EFHB: variants seen among roughly 807,000 people sequenced by gnomAD.
The protein encoded by EFHB is EF-hand domain-containing family member B.
In EFHB, 91 loss-of-function variants were observed where a neutral mutation model predicts 87.2. That is an observed-to-expected ratio of 1.04 (90% CI 0.88 to 1.24). EFHB has a LOEUF of 1.24. Ranked by LOEUF, EFHB falls within the 50% of genes most tolerant of loss-of-function variation. The probability of loss-of-function intolerance (pLI) is 0.00; values close to 1 mark genes in which losing one functional copy is unlikely to be tolerated. For missense variants in EFHB, 1,084 were observed against 998.8 expected (o/e 1.09, Z -1.15); for synonymous variants, 325 against 333.6 (o/e 0.97, Z 0.28).
At position 19,882,052 on chromosome 3, in the gene EFHB, TA is replaced by T. The variant is rs1559441331; in HGVS notation, c.2328+497del. ...ATAAATAAATAAATAAATAAATAAA[TA>T]AATAAATAATTAAATAAGACAGATG... On this transcript the variant is annotated intron_variant, in intron 12 of 12. Transcript: ENST00000295824. Among the ~76,000 whole-genome samples the T allele has an allele frequency of 2.5e-4, 34 of 134,234 alleles. No individual in the cohort carries two copies. The East Asian group carries it at 5.7e-3, about 22-fold the overall frequency. The allele number at this position is 134,234 out of a possible 152,430, so 88.1% of individuals were successfully genotyped here. A position where few individuals can be genotyped will look rare whatever the true frequency, so the allele number is the denominator to read the frequency against.
intron 1 of EFHB, among the ~76,000 whole-genome samples, chr3:19,945,479 G>A (rs1005737410): frequency 6.6e-6 from 1 of 152,184 alleles, no homozygotes; most frequent in Non-Finnish European, 1.5e-5. Context: ...TGATAGAATG[G>A]ACAATGGTTT....
At chr3:19,914,390 T>C (rs1287019024) in intron 5 of EFHB, among the ~76,000 whole-genome samples, 1 of 152,226 alleles carries the variant, frequency 6.6e-6, no homozygotes, top group African/African-American at 2.4e-5. Flanking sequence ...CTCAATCCTT[T>C]ATTATGTCAA....
At position 19,899,317 on chromosome 3, in the gene EFHB, A is replaced by G. The variant is rs886644284; in HGVS notation, c.1502+115T>C. 5 of 693,556 alleles carry G rather than the reference A, an allele frequency of 7.2e-6. No individual in the cohort carries two copies. The African/African-American group carries it at 9.3e-5, about 13-fold the overall frequency. 43.0% of individuals were successfully genotyped at this position (693,556 alleles called of 1,614,324 possible). A position where few individuals can be genotyped will look rare whatever the true frequency, so the allele number is the denominator to read the frequency against. On this transcript the variant is annotated intron_variant, in intron 7 of 12. Coordinates refer to ENST00000295824, the MANE Select transcript of EFHB (RefSeq NM_144715.4). ...CAGATTAACTGATTAACAATAAAATAATGATTTTCTTATTTAATAGATAGA... is the reference window on the plus strand; with the variant it reads ...CAGATTAACTGATTAACAATAAAATGATGATTTTCTTATTTAATAGATAGA...
At position 19,879,673 on chromosome 3, in the gene EFHB, C is replaced by G; in HGVS notation, c.2460G>C (p.Glu820Asp). Residue 820 changes from glutamate to aspartate, a missense_variant, in exon 13 of 13, where the codon GAG becomes GAC. By Grantham distance (45) the Glu-to-Asp change is conservative (BLOSUM62 2). Coordinates refer to ENST00000295824, the MANE Select transcript of EFHB (RefSeq NM_144715.4). ...ACTTGATCCGGTCTGCATGCCGTAGCTCATCTAGAACATTTCTGATGTTCT... is the reference window on the plus strand; with the variant it reads ...ACTTGATCCGGTCTGCATGCCGTAGGTCATCTAGAACATTTCTGATGTTCT... ...CVENIRNVLD[E>D]LRHADRIKCK... 1 of 1,605,912 alleles carries G rather than the reference C, an allele frequency of 6.2e-7. No homozygotes were observed. The highest frequency in any genetic ancestry group is 8.5e-7 in the Non-Finnish European group (1 of 1,177,452).
intron 1 of EFHB, chr3:19,945,911 A>G (rs1456175537): frequency 6.6e-6 from 1 of 152,222 alleles, no homozygotes; most frequent in African/African-American, 2.4e-5. Flanking sequence ...ACAGAGCTAT[A>G]CATTGTAAAC....
intron 5 of EFHB, among the ~76,000 whole-genome samples, chr3:19,911,222 A>C (rs890240272): frequency 1.3e-5 from 2 of 152,196 alleles, no homozygotes; most frequent in African/African-American, 2.4e-5. Flanking sequence ...AAGGAATTCA[A>C]AATTCTATCA....
upstream of EFHB, chr3:19,936,176 G>T: frequency 7.8e-7 from 1 of 1,287,710 alleles, no homozygotes; most frequent in Non-Finnish European, 1.1e-6. Flanking sequence ...CAAGGCAGAA[G>T]AATTGCTTAA....
At position 19,884,275 on chromosome 3, in the gene EFHB, A is replaced by G. The variant is rs117124787; in HGVS notation, c.2146+128T>C. ...GGCCTCTCCTCCCCAGGTGGTTAGA[A>G]TATGAATTAAATGCAAGGTACAAAG... On this transcript the variant is annotated intron_variant, in intron 11 of 12. Coordinates refer to ENST00000295824, the MANE Select transcript of EFHB (RefSeq NM_144715.4). 2,248 of 862,840 alleles carry G rather than the reference A, an allele frequency of 2.6e-3. 64 individuals are homozygous for G. The Admixed American group carries it at 0.047, about 18-fold the overall frequency. The allele number at this position is 862,840 out of a possible 1,614,324, so 53.4% of individuals were successfully genotyped here. A position where few individuals can be genotyped will look rare whatever the true frequency, so the allele number is the denominator to read the frequency against.
chr3:19,903,585 T>C (rs1302247870), intron 6 of EFHB, among the ~76,000 whole-genome samples: 4 of 152,106 alleles, frequency 2.6e-5, no homozygotes, highest in Non-Finnish European at 4.4e-5. Flanking sequence ...TTAAGAAATA[T>C]TTATTATGTA....
intron 5 of EFHB, among the ~76,000 whole-genome samples, chr3:19,913,507 A>G (rs566576715): frequency 3.1e-4 from 47 of 152,330 alleles, no homozygotes; most frequent in African/African-American, 1.1e-3. Flanking sequence ...AGATTTCTAT[A>G]ATGAAAACTA....
intron 1 of EFHB, among the ~76,000 whole-genome samples, chr3:19,945,198 C>G (rs1028630592): frequency 6.6e-6 from 1 of 152,134 alleles, no homozygotes; most frequent in Non-Finnish European, 1.5e-5. Flanking sequence ...TCAGGGAACA[C>G]AGACCAGATA....
intron 8 of EFHB, among the ~76,000 whole-genome samples, chr3:19,898,195 T>C (rs1321067690): frequency 1.3e-5 from 2 of 152,244 alleles, no homozygotes; most frequent in Non-Finnish European, 2.9e-5. Flanking sequence ...CTACTTTATG[T>C]ATTGATTGAT....
chr3:19,886,477 C>T (rs1574991666), intron 10 of EFHB, among the ~76,000 whole-genome samples: 1 of 151,894 alleles, frequency 6.6e-6, no homozygotes, highest in Admixed American at 6.6e-5. Flanking sequence ...GATGCAGTGG[C>T]TCATGCCTGT....
intron 5 of EFHB, among the ~76,000 whole-genome samples, chr3:19,907,631 G>A (rs1423429337): frequency 6.6e-6 from 1 of 152,196 alleles, no homozygotes; most frequent in African/African-American, 2.4e-5. Context: ...GTGATTGAGA[G>A]CTGAGAAACC....
intron 1 of EFHB, chr3:19,942,468 T>G (rs968235661): frequency 1.3e-5 from 2 of 152,442 alleles, no homozygotes; most frequent in Admixed American, 6.5e-5. Flanking sequence ...CAGGGACCAG[T>G]TTCATGGAAG....
At chr3:19,941,281 C>T (rs1479451143) in intron 1 of EFHB, 10 of 270,326 alleles carry the variant, frequency 3.7e-5, no homozygotes, top group South Asian at 1.1e-4. Context: ...TCAAATAGGG[C>T]ATGTGTAAGA....
chr3:19,921,959 G>A (rs1357017662), intron 1 of EFHB, among the ~76,000 whole-genome samples: 1 of 152,092 alleles, frequency 6.6e-6, no homozygotes, highest in Non-Finnish European at 1.5e-5. Context: ...GAGGTCAGGA[G>A]TTCAAGACCA....
At chr3:19,885,356 T>A (rs1249055684) in intron 10 of EFHB, among the ~76,000 whole-genome samples, 1 of 152,088 alleles carries the variant, frequency 6.6e-6, no homozygotes, top group Non-Finnish European at 1.5e-5. Flanking sequence ...GGGGGGAGCA[T>A]GCACTACAAC....
At position 19,905,632 on chromosome 3, in the gene EFHB, T is replaced by C; in HGVS notation, c.1406A>G (p.His469Arg). 2 of 1,613,670 alleles carry C rather than the reference T, an allele frequency of 1.2e-6. No individual in the cohort carries two copies. The highest frequency in any genetic ancestry group is 1.7e-6 in the Non-Finnish European group (2 of 1,179,652). Residue 469 changes from histidine (H) to arginine (R), a missense_variant, in exon 6 of 13, where the codon CAT becomes CGT. Coordinates refer to ENST00000295824, the MANE Select transcript of EFHB (RefSeq NM_144715.4). ...TAATTAAACTTACATTTGTAGTTCA[T>C]GGAGCCAATATAGAGATTTTGCCAT... is the stretch of plus-strand genomic sequence containing the variant. ...RAMAKSLYWLHELQMKRGAKF... is the reference protein window; with the variant it reads ...RAMAKSLYWLRELQMKRGAKF...
Sources: allele counts gnomAD v4.1 joint callset (sites outside exome capture counted in the v4.1 genomes callset), GRCh38; gene constraint gnomAD v4.1.1; transcripts MANE v1.5; gene names NCBI Gene and HGNC (gene_info 2026-07-23, HGNC 2026-07-21).